Variants in COL5A3 observed in about 807,000 individuals in gnomAD.
COL5A3 encodes the protein collagen type V alpha 3 chain.
In COL5A3, 172 loss-of-function variants were observed where a neutral mutation model predicts 250.0. The observed-to-expected ratio is 0.69, with a 90% confidence interval of 0.61 to 0.78. The LOEUF (loss-of-function observed/expected upper bound fraction) is 0.78, where lower values mean the gene tolerates loss of function less well. Ranked by LOEUF, COL5A3 falls within the 30% of genes least tolerant of loss-of-function variation. The pLI is 0.00. For synonymous variants in COL5A3, 937 were observed against 900.4 expected, an observed-to-expected ratio of 1.04 and a Z score of -0.73; for missense variants, 2,340 against 2,334.4, an observed-to-expected ratio of 1.00 and a Z score of -0.05.
rs867613893 is a variant in COL5A3 at position 9,974,303 on chromosome 19, G to C, written c.3448C>G (p.Gln1150Glu). The C allele has an allele frequency of 1.2e-6, 2 of 1,610,836 alleles. No homozygotes were observed. Among genetic ancestry groups the C allele is most frequent in the Admixed American group, 1.7e-5 (1 of 59,664 alleles). The change falls in exon 46 of 67, where the codon CAG (glutamine) becomes GAG (glutamate). Residue 1150 changes from glutamine (Q) to glutamate (E), a missense_variant and splice_region_variant. By Grantham distance (29) the Gln-to-Glu change is conservative (BLOSUM62 2). This residue lies in a region of COL5A3 where 1,179 missense variants were observed against 1,162.6 expected (regional missense o/e 1.01). Transcript: ENST00000264828. Reference protein sequence around the residue: ...FVGVIGPPGLQGLPGPPGEKG... With the variant: ...FVGVIGPPGLEGLPGPPGEKG... ...CACCCCCAAACCCAGACACCCACCTGCAGTCCAGGAGGGCCAATCACCCCC... is the reference window on the plus strand; with the variant it reads ...CACCCCCAAACCCAGACACCCACCTCCAGTCCAGGAGGGCCAATCACCCCC...
chr19:9,968,318 C>A lies in COL5A3; in HGVS notation c.4314+67G>T. 1.5e-6 allele frequency: 2 copies of A among 1,336,284 alleles called. No individual in the cohort carries two copies. The highest frequency in any genetic ancestry group is 1.3e-5 in the South Asian group (1 of 79,574). 82.8% of individuals were successfully genotyped at this position (1,336,284 alleles called of 1,614,324 possible). ...CCAGACCCACGTTTCCCAGACCCCA[C>A]ACCCACAGTCTCTCAACCGACCCCC... On this transcript the variant is annotated intron_variant, in intron 59 of 66. Transcript: ENST00000264828. This position sits in a 1 kb window ranked among gnomAD's most constrained non-coding sequence, Gnocchi z 4.1.
At chr19:10,002,276 G>T (rs1298412396) in intron 6 of COL5A3, among the ~76,000 whole-genome samples, 1 of 152,020 alleles carries the variant, frequency 6.6e-6, no homozygotes, top group Non-Finnish European at 1.5e-5. Flanking sequence ...TCAAGGTGGG[G>T]GTTGGGGGGG....
chr19:9,983,220 T>C (rs901233440), intron 31 of COL5A3, among the ~76,000 whole-genome samples: 1 of 151,944 alleles, frequency 6.6e-6, no homozygotes, highest in African/African-American at 2.4e-5. Context: ...TCTTAGTCTA[T>C]GTCAGGTACA....
chr19:9,965,387 A>C (rs1177996025), intron 64 of COL5A3, among the ~76,000 whole-genome samples: 1 of 149,588 alleles, frequency 6.7e-6, no homozygotes, highest in Admixed American at 6.7e-5. Context: ...CGATCTCCTG[A>C]CCTTGTGATC....
At chr19:9,982,617 T>G (rs2087026773) in intron 31 of COL5A3, among the ~76,000 whole-genome samples, 1 of 152,140 alleles carries the variant, frequency 6.6e-6, no homozygotes. Context: ...GGTGAGTGCT[T>G]TTTAATATTT....
chr19:9,968,873 C>T lies in COL5A3; in HGVS notation c.4153-145G>A, dbSNP rs2086791246. 3.4e-5 allele frequency: 25 copies of T among 738,332 alleles called. No homozygotes were observed. The South Asian group carries it at 4.0e-4, about 12-fold the overall frequency. The allele number at this position is 738,332 out of a possible 1,614,324, so 45.7% of individuals were successfully genotyped here. A position where few individuals can be genotyped will look rare whatever the true frequency, so the allele number is the denominator to read the frequency against. On this transcript the variant is annotated intron_variant, in intron 57 of 66. Coordinates refer to ENST00000264828, the MANE Select transcript of COL5A3 (RefSeq NM_015719.4). The surrounding 1 kb of genome is among the most constrained non-coding windows in gnomAD (Gnocchi z 4.1). ...GAGGTCAAGGGATGGTCAGAGTAGG[C>T]CACCAAGGTGGGATGATGAGAGCTA...
chr19:9,968,019 T>A lies in COL5A3; in HGVS notation c.4368+7A>T. ...CTCATCCCACAAAAGATTCCCTGCA[T>A]ACTCACCGCCACACCTGGGGGCCCA... On this transcript the variant is annotated splice_region_variant and intron_variant, in intron 60 of 66. Coordinates refer to ENST00000264828, the MANE Select transcript of COL5A3 (RefSeq NM_015719.4). The surrounding 1 kb of genome is among the most constrained non-coding windows in gnomAD (Gnocchi z 4.1). The A allele has an allele frequency of 6.3e-7, 1 of 1,594,186 alleles. No homozygotes were observed. The highest frequency in any genetic ancestry group is 1.4e-5 in the African/African-American group (1 of 73,858).
At chr19:9,961,834 A>G (rs1297015483) in intron 65 of COL5A3, among the ~76,000 whole-genome samples, 1 of 152,134 alleles carries the variant, frequency 6.6e-6, no homozygotes, top group Non-Finnish European at 1.5e-5. Flanking sequence ...CTGGGATTAC[A>G]GGCGTGAGCC....
At chr19:9,960,973 C>T in intron 65 of COL5A3, 83 bp from the exon 66 acceptor site, 4 of 1,535,650 alleles carry the variant, frequency 2.6e-6, no homozygotes, top group Admixed American at 1.7e-5. Flanking sequence ...TCTCCATCCA[C>T]TGGCAGACAA....
intron 27 of COL5A3, among the ~76,000 whole-genome samples, chr19:9,988,087 T>C (rs1354999966): frequency 6.6e-6 from 1 of 151,566 alleles, no homozygotes; most frequent in Non-Finnish European, 1.5e-5. Flanking sequence ...ATACAAAAAT[T>C]AGCCAGACGT....
rs765381358 is a variant in COL5A3 at position 9,989,492 on chromosome 19, G to T, written c.2023C>A (p.Leu675Ile). 1.2e-6 allele frequency: 2 copies of T among 1,613,198 alleles called. No homozygotes were observed. Among genetic ancestry groups the T allele is most frequent in the South Asian group, 2.2e-5 (2 of 90,922 alleles). Residue 675 changes from leucine (L) to isoleucine (I), a missense_variant, in exon 25 of 67, where the codon CTC becomes ATC. Transcript: ENST00000264828. ...ACCAGAGGGCCATCGGATCCTGGGA[G>T]GCCTGGAATTCCTGGGTTTCCAGGG... ...GPPGNPGIPG[L>I]PGSDGPLGHP...
chr19:9,986,509 G>A (rs764512898), intron 29 of COL5A3, 44 bp downstream of exon 29: 9 of 1,548,978 alleles, frequency 5.8e-6, no homozygotes, highest in South Asian at 3.3e-5. Context: ...TATCTTCCCC[G>A]AGCCCCCAGA....
chr19:9,991,999 C>T lies in COL5A3; in HGVS notation c.1893+5G>A, dbSNP rs751162035. Reference sequence around the variant, plus strand: ...GTCAGAGGTCAAAGGGCACAGGGCACATACCACATTGCCTTTGGCACCAGG... The same window carrying T: ...GTCAGAGGTCAAAGGGCACAGGGCATATACCACATTGCCTTTGGCACCAGG... On this transcript the variant is annotated splice_donor_5th_base_variant and intron_variant, in intron 22 of 66. Transcript: ENST00000264828. 7 of 1,611,898 alleles carry T rather than the reference C, an allele frequency of 4.3e-6. No homozygotes were observed. The highest frequency in any genetic ancestry group is 1.3e-5 in the African/African-American group (1 of 74,746).
chr19:9,994,949 C>T (rs1012145721), intron 16 of COL5A3, among the ~76,000 whole-genome samples: 1 of 152,048 alleles, frequency 6.6e-6, no homozygotes, highest in Non-Finnish European at 1.5e-5. Flanking sequence ...GACACAATCT[C>T]ACTCTGCCAC....
chr19:9,969,756 T>TG (rs2086802467), intron 55 of COL5A3, 74 bp from the exon 56 acceptor site: 1 of 1,572,906 alleles, frequency 6.4e-7, no homozygotes. Context: ...AAGAAGCATC[T>TG]GGGATCGGGA....
rs1047163639 is a variant in COL5A3 at position 9,976,191 on chromosome 19, A to G, written c.3342+367T>C. Among the ~76,000 whole-genome samples, 4 of 147,956 alleles carry G rather than the reference A, an allele frequency of 2.7e-5. No homozygotes were observed. In the East Asian group the frequency reaches 6.0e-4, roughly 22 times the overall value. ...ACATAGTTGGGTTGAGATTGGGCCA[A>G]ATTCTGGGGTTGAGTTCACATTGGA... On this transcript the variant is annotated intron_variant, in intron 45 of 66. Coordinates refer to ENST00000264828, the MANE Select transcript of COL5A3 (RefSeq NM_015719.4).
In COL5A3 at chr19:9,992,891, G is replaced by T; in HGVS notation, c.1795-11C>A. Reference sequence around the variant, plus strand: ...CAGTCCTCGTGGACCCTGCAAGGGAGCAGGCGAATTATTTCCACATCACCT... The same window carrying T: ...CAGTCCTCGTGGACCCTGCAAGGGATCAGGCGAATTATTTCCACATCACCT... On this transcript the variant is annotated splice_polypyrimidine_tract_variant and intron_variant, in intron 20 of 66. Coordinates refer to ENST00000264828, the MANE Select transcript of COL5A3 (RefSeq NM_015719.4). 1 of 1,613,762 alleles carries T rather than the reference G, an allele frequency of 6.2e-7. No homozygotes were observed. Among genetic ancestry groups the T allele is most frequent in the African/African-American group, 1.3e-5 (1 of 75,020 alleles).
At chr19:9,999,469 C>CTTTTTTTTTTTTTTTTTTTT (rs530527039) in intron 8 of COL5A3, among the ~76,000 whole-genome samples, 4 of 120,400 alleles carry the variant, frequency 3.3e-5, no homozygotes, top group African/African-American at 6.8e-5. Context: ...TTTCTTTTTT[C>CTTTTTTTTTTTTTTTTTTTT]TTTTTTTTTT....
chr19:10,000,538 TC>T (rs1317809053), intron 8 of COL5A3, among the ~76,000 whole-genome samples: 1 of 135,736 alleles, frequency 7.4e-6, no homozygotes, highest in Non-Finnish European at 1.5e-5. Flanking sequence ...CCTCAAGCGA[TC>T]CTCCCGCCTC....
Sources: allele counts gnomAD v4.1 joint callset (sites outside exome capture counted in the v4.1 genomes callset), GRCh38; gene constraint gnomAD v4.1.1; regional missense constraint gnomAD v4.1.1; non-coding constraint Gnocchi (gnomAD v3.1); transcripts MANE v1.5; gene names NCBI Gene and HGNC (gene_info 2026-07-23, HGNC 2026-07-21).